The following RFT1 variants were observed in gnomAD, a reference collection of about 807,000 sequenced individuals.
The protein encoded by RFT1 is man(5)GlcNAc(2)-PP-dolichol translocation protein RFT1.
Under a neutral mutation model 62.2 loss-of-function variants are expected in RFT1, and 43 were observed. The observed-to-expected ratio is 0.69, with a 90% confidence interval of 0.54 to 0.89. RFT1 has a LOEUF of 0.89. Ranked by LOEUF, RFT1 falls within the 40% of genes least tolerant of loss-of-function variation. The pLI is 0.00. For synonymous variants in RFT1, 262 were observed against 264.6 expected (o/e 0.99, Z 0.10); for missense variants, 605 against 649.9 (o/e 0.93, Z 0.75).
chr3:53,105,606 A>G (rs1701446478), intron 9 of RFT1, 67 bp downstream of exon 9: 66 of 1,547,748 alleles, frequency 4.3e-5, no homozygotes, highest in Non-Finnish European at 5.8e-5. Context: ...AGACTGCTTC[A>G]CACTCCTGTC....
chr3:53,106,731 T>G, intron 8 of RFT1, 88 bp downstream of exon 8: 6 of 1,003,644 alleles, frequency 6.0e-6, no homozygotes. Context: ...CAGGTTCATC[T>G]TTCATTAAAT....
chr3:53,099,304 G>T, intron 11 of RFT1, 77 bp downstream of exon 11: 2 of 1,249,032 alleles, frequency 1.6e-6, no homozygotes, highest in South Asian at 1.2e-5. Flanking sequence ...TGTTCAGAAC[G>T]AAAAGCAAAA....
chr3:53,113,551 C>T (rs550511462), intron 6 of RFT1, among the ~76,000 whole-genome samples: 84 of 152,202 alleles, frequency 5.5e-4, no homozygotes, highest in Non-Finnish European at 9.6e-4. Context: ...AAAGCCCATC[C>T]GTGAAGAGCA....
At position 53,101,439 on chromosome 3, in the gene RFT1, C is replaced by G. The variant is rs140329106; in HGVS notation, c.1103-1953G>C. The stretch of plus-strand genomic sequence containing the variant: ...ACGCTAATGGCACAGGAGGGCCCAT[C>G]AGTAGGTGAACAGTGGGCTGTCGTG... On this transcript the variant is annotated intron_variant, in intron 10 of 12. Coordinates refer to ENST00000296292, the MANE Select transcript of RFT1 (RefSeq NM_052859.4). Among the ~76,000 whole-genome samples the G allele has an allele frequency of 2.8e-3, 428 of 152,280 alleles. 1 individual carries two copies. Among genetic ancestry groups the G allele is most frequent in the African/African-American group, 9.5e-3 (394 of 41,552 alleles).
intron 11 of RFT1, among the ~76,000 whole-genome samples, chr3:53,092,968 G>A (rs1190097507): frequency 2.0e-5 from 3 of 152,190 alleles, no homozygotes; most frequent in Admixed American, 6.5e-5. Flanking sequence ...TCTGTGACAG[G>A]CCCTGTGAGG....
intron 7 of RFT1, 80 bp downstream of exon 7, chr3:53,111,750 C>A: frequency 8.3e-7 from 1 of 1,203,482 alleles, no homozygotes; most frequent in South Asian, 1.2e-5. Context: ...GACAGGTGGT[C>A]TGGACCCAGG....
chr3:53,067,651 C>T, the RFT1 span, among the ~76,000 whole-genome samples: 8 of 152,132 alleles, frequency 5.3e-5, no homozygotes, highest in Admixed American at 1.3e-4. Context: ...TAAGTTACTC[C>T]TCAGTAAGAG....
intron 11 of RFT1, among the ~76,000 whole-genome samples, chr3:53,099,013 G>A (rs1178607737): frequency 6.6e-6 from 1 of 152,098 alleles, no homozygotes; most frequent in Non-Finnish European, 1.5e-5. Context: ...TCTTGAAGAA[G>A]CTCCTCAGTA....
chr3:53,102,917 G>A (rs182646775), intron 10 of RFT1, among the ~76,000 whole-genome samples: 76 of 152,330 alleles, frequency 5.0e-4, no homozygotes, highest in African/African-American at 1.8e-3. Flanking sequence ...GCTTTCTAAA[G>A]GGGAAGAGCT....
At position 53,089,084 on chromosome 3, in the gene RFT1, G is replaced by C. The variant is rs758989408; in HGVS notation, c.*2819C>G. 13 of 150,806 alleles carry C rather than the reference G, an allele frequency of 8.6e-5. No individual in the cohort carries two copies. Among genetic ancestry groups the C allele is most frequent in the African/African-American group, 3.2e-4 (13 of 40,878 alleles). 9.3% of individuals were successfully genotyped at this position (150,806 alleles called of 1,614,324 possible). A position where few individuals can be genotyped will look rare whatever the true frequency, so the allele number is the denominator to read the frequency against. On this transcript the variant is annotated 3_prime_UTR_variant, in exon 13 of 13. Coordinates refer to ENST00000296292, the MANE Select transcript of RFT1 (RefSeq NM_052859.4). ...CAGGAGGCAGAGCTCGCAGTGAGCCGAGATCGCGCTACTGCACTCCAGCCT... is the reference window on the plus strand; with the variant it reads ...CAGGAGGCAGAGCTCGCAGTGAGCCCAGATCGCGCTACTGCACTCCAGCCT...
At chr3:53,129,172 G>A (rs567834568) in intron 1 of RFT1, among the ~76,000 whole-genome samples, 3 of 151,996 alleles carry the variant, frequency 2.0e-5, no homozygotes, top group African/African-American at 7.3e-5. Flanking sequence ...CACATATCAC[G>A]TGCAAGGCAC....
chr3:53,127,232 C>G (rs1018983781), intron 1 of RFT1, among the ~76,000 whole-genome samples: 1 of 151,872 alleles, frequency 6.6e-6, no homozygotes, highest in Non-Finnish European at 1.5e-5. Context: ...GCCTGACTAA[C>G]ATGGTGAAAT....
intron 8 of RFT1, among the ~76,000 whole-genome samples, chr3:53,106,544 G>A (rs1701480374): frequency 6.6e-6 from 1 of 152,130 alleles, no homozygotes; most frequent in South Asian, 2.1e-4. Context: ...CTGTGACAGT[G>A]AGCTCCCTTT....
chr3:53,068,148 C>T, the RFT1 span, among the ~76,000 whole-genome samples: 1 of 152,042 alleles, frequency 6.6e-6, no homozygotes, highest in African/African-American at 2.4e-5. Context: ...CAGGAGGGGA[C>T]AGGGCTTGAC....
the RFT1 span, among the ~76,000 whole-genome samples, chr3:53,073,267 C>T: frequency 6.6e-6 from 1 of 152,244 alleles, no homozygotes; most frequent in Admixed American, 6.5e-5. Context: ...TCCCCCGTTA[C>T]AGCCTCTGCC....
Position 53,130,402 on chromosome 3 carries a change from G to C in RFT1, c.-2C>G, listed in dbSNP as rs1195018336. 2.4e-5 allele frequency: 38 copies of C among 1,552,754 alleles called. No individual in the cohort carries two copies. Among genetic ancestry groups the C allele is most frequent in the Non-Finnish European group, 3.1e-5 (36 of 1,148,206 alleles). On this transcript the variant is annotated 5_prime_UTR_variant, in exon 1 of 13. Transcript: ENST00000296292. ...GCCCAGCACCTCCTGGCTGCCCATA[G>C]CCTCCGCGCCAGGCTCAGACACCAG...
At chr3:53,097,857 G>A (rs527411378) in intron 11 of RFT1, among the ~76,000 whole-genome samples, 1 of 152,328 alleles carries the variant, frequency 6.6e-6, no homozygotes, top group African/African-American at 2.4e-5. Context: ...CATCCATAGG[G>A]AAAGAAGAGG....
intron 6 of RFT1, among the ~76,000 whole-genome samples, chr3:53,117,154 A>G (rs1419970629): frequency 6.6e-6 from 1 of 152,240 alleles, no homozygotes; most frequent in African/African-American, 2.4e-5. Flanking sequence ...AAATGGAGCT[A>G]ACAGTATTTA....
At position 53,091,558 on chromosome 3, in the gene RFT1, C is replaced by T; in HGVS notation, c.*345G>A. 1 of 304,844 alleles carries T rather than the reference C, an allele frequency of 3.3e-6. No individual in the cohort carries two copies. Among genetic ancestry groups the T allele is most frequent in the South Asian group, 3.3e-5 (1 of 30,346 alleles). 18.9% of individuals were successfully genotyped at this position (304,844 alleles called of 1,614,324 possible). On this transcript the variant is annotated 3_prime_UTR_variant, in exon 13 of 13. Coordinates refer to ENST00000296292, the MANE Select transcript of RFT1 (RefSeq NM_052859.4). ...GGGCCAGATAATTATTAACAGTTAA[C>T]AATTAAGATATAGTTTGTTGGAGCA...
Sources: gnomAD v4.1 joint callset for allele counts (sites outside exome capture counted in the v4.1 genomes callset) on GRCh38, gnomAD v4.1.1 for gene constraint, MANE v1.5 for transcripts, NCBI Gene and HGNC (gene_info 2026-07-23, HGNC 2026-07-21) for gene names.